CAMK1D: variants seen among roughly 807,000 people sequenced by gnomAD.
CAMK1D encodes calcium/calmodulin dependent protein kinase ID.
In CAMK1D, 9 loss-of-function variants were observed where a neutral mutation model predicts 47.7. The observed-to-expected ratio is 0.19, with a 90% CI of 0.11 to 0.33. The LOEUF is 0.33. Ranked by LOEUF, CAMK1D falls within the 10% of genes least tolerant of loss-of-function variation. The pLI is 1.00. For missense variants in CAMK1D, 291 were observed against 488.7 expected (o/e 0.60, Z 3.81); for synonymous variants, 184 against 184.9 (o/e 0.99, Z 0.04).
chr10:12,534,447 A>G (rs1835906089), intron 1 of CAMK1D, among the ~76,000 whole-genome samples: 1 of 152,004 alleles, frequency 6.6e-6, no homozygotes, highest in Non-Finnish European at 1.5e-5. Flanking sequence ...GCTCACTGCT[A>G]CCTCCACCTC....
chr10:12,801,297 G>GTATCTATCTATCCATCTATCTATC (rs1347655439), intron 6 of CAMK1D, among the ~76,000 whole-genome samples: 3 of 89,896 alleles, frequency 3.3e-5, no homozygotes, highest in African/African-American at 1.1e-4. Flanking sequence ...GTCTGTGTGT[G>GTATCTATCTATCCATCTATCTATC]TATCTATCTA....
intron 1 of CAMK1D, among the ~76,000 whole-genome samples, chr10:12,550,709 T>C (rs74116978): frequency 0.036 from 5,511 of 152,216 alleles, 336 homozygotes; most frequent in African/African-American, 0.13. Flanking sequence ...GAGAATCCTA[T>C]GGGTGAATAA....
At chr10:12,788,284 G>C (rs1001421538) in intron 5 of CAMK1D, among the ~76,000 whole-genome samples, 4 of 152,166 alleles carry the variant, frequency 2.6e-5, no homozygotes, top group African/African-American at 9.7e-5. Context: ...TCCAACTCTG[G>C]GCACCTGGCA....
At chr10:12,769,909 T>C in intron 5 of CAMK1D, 110 bp downstream of exon 5, 3 of 1,203,082 alleles carry the variant, frequency 2.5e-6, no homozygotes, top group Non-Finnish European at 3.6e-6. Context: ...GCTTGGCATG[T>C]AATCACAGCT....
At chr10:12,387,552 G>T (rs2724784) in intron 1 of CAMK1D, among the ~76,000 whole-genome samples, 293 of 144,756 alleles carry the variant, frequency 2.0e-3, no homozygotes, top group African/African-American at 7.1e-3. Context: ...CGTGGCCCAG[G>T]CTGGAGTGCA....
At chr10:12,525,271 G>A (rs530251520) in intron 1 of CAMK1D, among the ~76,000 whole-genome samples, 9 of 152,020 alleles carry the variant, frequency 5.9e-5, no homozygotes, top group African/African-American at 9.7e-5. Context: ...AATGTCTTTC[G>A]CCATACATGG....
intron 1 of CAMK1D, among the ~76,000 whole-genome samples, chr10:12,381,561 G>C (rs1838347084): frequency 6.6e-6 from 1 of 152,026 alleles, no homozygotes; most frequent in South Asian, 2.1e-4. Context: ...TCTGACCTCA[G>C]GTGATCCGCC....
At chr10:12,748,612 G>A (rs1429774906) in intron 3 of CAMK1D, among the ~76,000 whole-genome samples, 3 of 152,180 alleles carry the variant, frequency 2.0e-5, no homozygotes, top group Non-Finnish European at 1.5e-5. Flanking sequence ...TGTTGAGAAG[G>A]ACAGTAGCTA....
chr10:12,689,980 G>A (rs1286837211), intron 3 of CAMK1D, among the ~76,000 whole-genome samples: 1 of 152,200 alleles, frequency 6.6e-6, no homozygotes. Flanking sequence ...GGGCTGTCAT[G>A]TACAGAGATT....
chr10:12,652,657 G>A (rs1348960725), intron 2 of CAMK1D, among the ~76,000 whole-genome samples: 1 of 152,140 alleles, frequency 6.6e-6, no homozygotes, highest in Non-Finnish European at 1.5e-5. Flanking sequence ...TATTTGTAAT[G>A]TCATTCCTGA....
At chr10:12,541,625 G>T (rs1046112770) in intron 1 of CAMK1D, among the ~76,000 whole-genome samples, 3 of 152,204 alleles carry the variant, frequency 2.0e-5, no homozygotes, top group Non-Finnish European at 4.4e-5. Flanking sequence ...CCCCAAAAGT[G>T]CTGGGATTAC....
At chr10:12,671,337 A>T (rs998963382) in intron 3 of CAMK1D, among the ~76,000 whole-genome samples, 2 of 151,544 alleles carry the variant, frequency 1.3e-5, no homozygotes, top group Admixed American at 1.3e-4. Flanking sequence ...GCCGGGTCGA[A>T]TGATAGCTCT....
At chr10:12,790,678 G>A (rs757996280) in intron 5 of CAMK1D, among the ~76,000 whole-genome samples, 12 of 151,564 alleles carry the variant, frequency 7.9e-5, no homozygotes, top group African/African-American at 1.9e-4. Context: ...ATACTGTAGC[G>A]TCTTCATATT....
chr10:12,692,089 T>C (rs1385027167), intron 3 of CAMK1D, among the ~76,000 whole-genome samples: 1 of 152,190 alleles, frequency 6.6e-6, no homozygotes, highest in African/African-American at 2.4e-5. Context: ...GGTAAAATTA[T>C]TTAAGCCAAA....
At chr10:12,396,818 G>C (rs986525331) in intron 1 of CAMK1D, among the ~76,000 whole-genome samples, 1 of 152,182 alleles carries the variant, frequency 6.6e-6, no homozygotes, top group Admixed American at 6.5e-5. Flanking sequence ...CAGGCTCCTT[G>C]CCTGGTGTGT....
chr10:12,498,461 A>G (rs12768808), intron 1 of CAMK1D, among the ~76,000 whole-genome samples: 45,954 of 152,182 alleles, frequency 0.3, 7,491 homozygotes, highest in East Asian at 0.43. Context: ...TGTGGCACAG[A>G]GAGAGGTATT....
chr10:12,694,191 T>A (rs12761646), intron 3 of CAMK1D, among the ~76,000 whole-genome samples: 2 of 19,844 alleles, frequency 1.0e-4, no homozygotes, highest in African/African-American at 1.7e-4. Context: ...TATAATATAA[T>A]ATATATTATA....
intron 1 of CAMK1D, among the ~76,000 whole-genome samples, chr10:12,460,693 G>T (rs753317374): frequency 7.2e-5 from 11 of 152,130 alleles, no homozygotes; most frequent in Non-Finnish European, 1.3e-4. Flanking sequence ...CTCCCAAAGT[G>T]CTGGGATTAC....
intron 1 of CAMK1D, among the ~76,000 whole-genome samples, chr10:12,471,718 C>G (rs1014372808): frequency 3.9e-5 from 6 of 152,022 alleles, no homozygotes; most frequent in African/African-American, 1.4e-4. Flanking sequence ...TCCTTTCCTG[C>G]TAAGGAGAGA....
Sources: gnomAD v4.1 joint callset for allele counts (sites outside exome capture counted in the v4.1 genomes callset) on GRCh38, gnomAD v4.1.1 for gene constraint, MANE v1.5 for transcripts, NCBI Gene and HGNC (gene_info 2026-07-23, HGNC 2026-07-21) for gene names.